The following SNTG1 variants were observed in gnomAD, a reference collection of about 807,000 sequenced individuals.
The protein encoded by SNTG1 is syntrophin gamma 1, also known as gamma-1-syntrophin.
A neutral mutation model predicts 74.7 loss-of-function variants in SNTG1; 39 were observed. That is an observed-to-expected ratio of 0.52 (90% CI 0.40 to 0.68). The LOEUF is 0.68. Ranked by LOEUF, SNTG1 falls within the 30% of genes least tolerant of loss-of-function variation. The pLI is 0.00. For synonymous variants in SNTG1, 254 were observed against 217.1 expected, an observed-to-expected ratio of 1.17 and a Z score of -1.49; for missense variants, 685 against 609.5, an observed-to-expected ratio of 1.12 and a Z score of -1.30.
At chr8:50,372,574 A>G (rs983978260) in intron 2 of SNTG1, among the ~76,000 whole-genome samples, 1 of 152,096 alleles carries the variant, frequency 6.6e-6, no homozygotes, top group Non-Finnish European at 1.5e-5. Flanking sequence ...CACATACTCA[A>G]GAGATGGTCA....
intron 15 of SNTG1, among the ~76,000 whole-genome samples, chr8:50,668,203 G>A (rs2131326027): frequency 6.6e-6 from 1 of 151,656 alleles, no homozygotes; most frequent in Non-Finnish European, 1.5e-5. Context: ...CATTTTCTTG[G>A]TTTATTAATA....
At chr8:50,630,474 T>C (rs1448592320) in intron 13 of SNTG1, among the ~76,000 whole-genome samples, 1 of 152,208 alleles carries the variant, frequency 6.6e-6, no homozygotes, top group South Asian at 2.1e-4. Context: ...TGGCCAAATG[T>C]CCTCAGTAGT....
intron 13 of SNTG1, among the ~76,000 whole-genome samples, chr8:50,598,902 C>G (rs1382528960): frequency 6.6e-6 from 1 of 151,672 alleles, no homozygotes; most frequent in Non-Finnish European, 1.5e-5. Flanking sequence ...ACTACTAATT[C>G]TATGTTGATT....
chr8:50,681,483 T>C (rs899973985), intron 15 of SNTG1, among the ~76,000 whole-genome samples: 1 of 152,214 alleles, frequency 6.6e-6, no homozygotes, highest in Non-Finnish European at 1.5e-5. Context: ...TTTTATATAG[T>C]TTAAAACTAT....
At chr8:50,613,718 CA>C (rs1351151594) in intron 13 of SNTG1, among the ~76,000 whole-genome samples, 1 of 151,972 alleles carries the variant, frequency 6.6e-6, no homozygotes, top group Non-Finnish European at 1.5e-5. Flanking sequence ...TTAAATTGCA[CA>C]CACCATTTTT....
intron 1 of SNTG1, among the ~76,000 whole-genome samples, chr8:49,963,652 C>T (rs1268585720): frequency 1.3e-5 from 2 of 152,170 alleles, no homozygotes; most frequent in Non-Finnish European, 2.9e-5. Flanking sequence ...CAGTCCAGTG[C>T]TAACAGGTTG....
At chr8:50,367,792 C>T (rs942916602) in intron 2 of SNTG1, among the ~76,000 whole-genome samples, 3 of 152,118 alleles carry the variant, frequency 2.0e-5, no homozygotes, top group Admixed American at 6.6e-5. Context: ...CACACACACA[C>T]ACGCACACAT....
chr8:50,180,476 A>G (rs1336664955), intron 2 of SNTG1, among the ~76,000 whole-genome samples: 1 of 152,236 alleles, frequency 6.6e-6, no homozygotes, highest in Non-Finnish European at 1.5e-5. Context: ...GAAACTAGAT[A>G]GAAGTAATAT....
At chr8:50,207,641 C>T (rs13280395) in intron 2 of SNTG1, among the ~76,000 whole-genome samples, 65,053 of 151,550 alleles carry the variant, frequency 0.43, 17,632 homozygotes, top group African/African-American at 0.78. Context: ...TTCTCTAGTT[C>T]TTTTAGTTGT....
intron 15 of SNTG1, among the ~76,000 whole-genome samples, chr8:50,694,175 G>A (rs867833871): frequency 1.3e-5 from 2 of 150,612 alleles, no homozygotes; most frequent in African/African-American, 2.4e-5. Flanking sequence ...TTGAAAAAAT[G>A]TATCATATTC....
At chr8:50,691,229 G>T (rs1027067548) in intron 15 of SNTG1, among the ~76,000 whole-genome samples, 4 of 152,088 alleles carry the variant, frequency 2.6e-5, no homozygotes, top group Non-Finnish European at 5.9e-5. Context: ...CTTTCAATTG[G>T]AGCATTTAGC....
At chr8:50,781,641 G>A (rs1038729021) in intron 18 of SNTG1, among the ~76,000 whole-genome samples, 6 of 152,066 alleles carry the variant, frequency 3.9e-5, no homozygotes, top group Admixed American at 2.0e-4. Flanking sequence ...ACATTGGTGG[G>A]TCTTGACTGT....
At chr8:50,064,949 G>A (rs190675329) in intron 1 of SNTG1, among the ~76,000 whole-genome samples, 23 of 152,204 alleles carry the variant, frequency 1.5e-4, no homozygotes, top group African/African-American at 5.3e-4. Context: ...CCCTCTCACT[G>A]GCATGTTAAA....
At chr8:50,026,315 A>G (rs994201116) in intron 1 of SNTG1, among the ~76,000 whole-genome samples, 12 of 152,300 alleles carry the variant, frequency 7.9e-5, no homozygotes, top group Admixed American at 3.3e-4. Context: ...TTGTTCTGAA[A>G]AATCTTTGCT....
intron 1 of SNTG1, among the ~76,000 whole-genome samples, chr8:50,026,917 AG>A (rs1211933312): frequency 6.6e-6 from 1 of 152,194 alleles, no homozygotes; most frequent in African/African-American, 2.4e-5. Context: ...CAAATGCACA[AG>A]CCCCAAATGT....
chr8:50,123,977 GAAC>G (rs1434167950), intron 1 of SNTG1, among the ~76,000 whole-genome samples: 1 of 142,254 alleles, frequency 7.0e-6, no homozygotes, highest in African/African-American at 2.5e-5. Flanking sequence ...CTTATTATTA[GAAC>G]AACAACTAAA....
chr8:50,181,109 T>G (rs1369752737), intron 2 of SNTG1, among the ~76,000 whole-genome samples: 1 of 152,036 alleles, frequency 6.6e-6, no homozygotes, highest in Non-Finnish European at 1.5e-5. Context: ...TTGCCAAGAG[T>G]ACTTCTCCCT....
chr8:50,138,827 T>C (rs1395627880), intron 1 of SNTG1, among the ~76,000 whole-genome samples: 1 of 151,798 alleles, frequency 6.6e-6, no homozygotes, highest in African/African-American at 2.4e-5. Context: ...TTCATAAAAG[T>C]GGGTAGGATT....
At chr8:50,526,284 T>C (rs184305620) in intron 9 of SNTG1, among the ~76,000 whole-genome samples, 3 of 152,230 alleles carry the variant, frequency 2.0e-5, no homozygotes, top group Admixed American at 2.0e-4. Context: ...AGCCAGAATA[T>C]TGGATGAGTG....
Sources: gnomAD v4.1 joint callset for allele counts (sites outside exome capture counted in the v4.1 genomes callset) on GRCh38, gnomAD v4.1.1 for gene constraint, MANE v1.5 for transcripts, NCBI Gene and HGNC (gene_info 2026-07-23, HGNC 2026-07-21) for gene names.